The following MX1 variants were observed in gnomAD, a reference collection of about 807,000 sequenced individuals.
MX1 encodes MX dynamin like GTPase 1.
Under a neutral mutation model 66.4 loss-of-function variants are expected in MX1, and 66 were observed. The ratio of observed to expected loss-of-function variants is 0.99; its 90% CI spans 0.82 to 1.22. MX1 has a LOEUF of 1.22. Ranked by LOEUF, MX1 falls within the 50% of genes most tolerant of loss-of-function variation. The pLI is 0.00. For missense variants in MX1, 787 were observed against 834.3 expected, an observed-to-expected ratio of 0.94 and a Z score of 0.70; for synonymous variants, 311 against 318.1, an observed-to-expected ratio of 0.98 and a Z score of 0.24.
chr21:41,429,395 G>A (rs1023512712), intron 3 of MX1: 3 of 152,254 alleles, frequency 2.0e-5, no homozygotes, highest in Non-Finnish European at 4.4e-5. Flanking sequence ...AGCTGATTGA[G>A]TGGAACCTGT....
chr21:41,440,019 C>G (rs1374165362), intron 8 of MX1, among the ~76,000 whole-genome samples, 171 bp downstream of exon 8: 3 of 152,118 alleles, frequency 2.0e-5, no homozygotes, highest in African/African-American at 7.2e-5. Flanking sequence ...TGGTCACAGT[C>G]TGTTCTGTCA....
chr21:41,440,668 C>G (rs79494693), intron 8 of MX1, among the ~76,000 whole-genome samples: 1 of 152,110 alleles, frequency 6.6e-6, no homozygotes, highest in Admixed American at 6.5e-5. Flanking sequence ...TTTCCCTGAG[C>G]CTATAGCTCT....
chr21:41,451,242 A>C lies in MX1; in HGVS notation c.1508A>C (p.Lys503Thr). ...TTTTTTAACCTCCACAGAACCGCCA[A>C]GGTAAAACCAACCATGTGTTGTTTA... ...EEFFNLHRTA[K>T]SKIEDIRAEQ... Residue 503 changes from lysine to threonine, a missense_variant and splice_region_variant, in exon 15 of 17, where the codon AAG becomes ACG. By Grantham distance (78) the Lys-to-Thr change is moderately conservative. Coordinates refer to ENST00000398598, the MANE Select transcript of MX1 (RefSeq NM_002462.5). 1 of 1,596,702 alleles carries C rather than the reference A, an allele frequency of 6.3e-7. No individual in the cohort carries two copies. The highest frequency in any genetic ancestry group is 8.6e-7 in the Non-Finnish European group (1 of 1,166,138).
chr21:41,435,930 G>C lies in MX1; in HGVS notation c.199G>C (p.Asp67His). The part of the protein sequence containing the change: ...DSLRALGVEQ[D>H]LALPAIAVIG... ...CCTGCGGGCTCTAGGTGTGGAGCAG[G>C]ACCTGGCCCTGCCAGCCATCGCCGT... is the stretch of plus-strand genomic sequence containing the variant. The change falls in exon 6 of 17, where the codon GAC (aspartate) becomes CAC (histidine). Residue 67 changes from aspartate to histidine, a missense_variant. Physicochemically the swap from Asp to His is moderately conservative, Grantham distance 81 (BLOSUM62 -1). Transcript: ENST00000398598. 6.2e-7 allele frequency: 1 copy of C among 1,614,192 alleles called. No individual in the cohort carries two copies. The highest frequency in any genetic ancestry group is 8.5e-7 in the Non-Finnish European group (1 of 1,180,030).
intron 13 of MX1, among the ~76,000 whole-genome samples, chr21:41,448,092 T>C (rs2090715451): frequency 1.3e-5 from 2 of 152,134 alleles, no homozygotes; most frequent in Non-Finnish European, 2.9e-5. Flanking sequence ...ATTAGAAAAA[T>C]CCTTATGGGA....
At chr21:41,451,037 G>T in intron 14 of MX1, 130 bp from the exon 15 acceptor site, 1 of 598,188 alleles carries the variant, frequency 1.7e-6, no homozygotes, top group Non-Finnish European at 3.0e-6. Context: ...CTTTTTCATG[G>T]TAAAGAGAAG....
intron 3 of MX1, chr21:41,428,539 T>A (rs2838035): frequency 6.6e-6 from 1 of 152,180 alleles, no homozygotes; most frequent in Non-Finnish European, 1.5e-5. Context: ...AAGTCAGGAA[T>A]AAGCTTTCAG....
chr21:41,440,739 T>C, intron 8 of MX1, 148 bp from the exon 9 acceptor site: 1 of 892,268 alleles, frequency 1.1e-6, no homozygotes, highest in Non-Finnish European at 1.8e-6. Context: ...AGGGTTGTGT[T>C]TGTGGGTTCA....
At chr21:41,444,859 A>C (rs960520873) in intron 11 of MX1, among the ~76,000 whole-genome samples, 6 of 151,988 alleles carry the variant, frequency 3.9e-5, no homozygotes, top group African/African-American at 1.5e-4. Flanking sequence ...GGCCACTGTT[A>C]CTGGGGCTGG....
At chr21:41,428,263 C>T (rs461093) in intron 3 of MX1, 9 of 152,138 alleles carry the variant, frequency 5.9e-5, no homozygotes, top group Non-Finnish European at 8.8e-5. Context: ...CTAACTTTCA[C>T]TTTCCCAAAA....
Position 41,441,789 on chromosome 21 carries a change from G to T in MX1, c.804G>T (p.Val268=). The change falls in exon 10 of 17, where the codon GTG becomes GTT. Residue 268 remains valine, a synonymous_variant. Coordinates refer to ENST00000398598, the MANE Select transcript of MX1 (RefSeq NM_002462.5). The surrounding 1 kb of genome is among the most constrained non-coding windows in gnomAD (Gnocchi z 4.0). The stretch of plus-strand genomic sequence containing the variant: ...TTGTGGACGTGGTGCGGAACCTCGT[G>T]TTCCACCTGAAGAAGGGTTACATGA... ...DKVVDVVRNL[V]FHLKKGYMIV... 6.2e-7 allele frequency: 1 copy of T among 1,614,198 alleles called. No individual in the cohort carries two copies. Among genetic ancestry groups the T allele is most frequent in the South Asian group, 1.1e-5 (1 of 91,078 alleles).
rs532798943 is a variant in MX1, at chr21:41,443,465, AG to A, written c.930-318del. On this transcript the variant is annotated intron_variant, in intron 10 of 16. Coordinates refer to ENST00000398598, the MANE Select transcript of MX1 (RefSeq NM_002462.5). ...ATCACCTACACATATTACACATAGA[AG>A]GGGGTATGTGTTATAAAAACATATC... is the stretch of plus-strand genomic sequence containing the variant. The A allele has an allele frequency of 2.7e-3, 795 of 290,804 alleles. 4 individuals carry two copies. Among genetic ancestry groups the A allele is most frequent in the Non-Finnish European group, 4.4e-3 (666 of 151,430 alleles). The allele number at this position is 290,804 out of a possible 1,614,324, so 18.0% of individuals were successfully genotyped here.
chr21:41,424,539 A>C (rs1057243218), upstream of MX1, among the ~76,000 whole-genome samples: 5 of 152,134 alleles, frequency 3.3e-5, no homozygotes, highest in Admixed American at 2.0e-4. Context: ...CTTCCTAATC[A>C]TGGAAGTCTT....
chr21:41,441,466 G>A lies in MX1; in HGVS notation c.731-250G>A. 1.8e-6 allele frequency: 1 copy of A among 562,158 alleles called. No homozygotes were observed. Among genetic ancestry groups the A allele is most frequent in the Admixed American group, 3.1e-5 (1 of 32,782 alleles). The allele number at this position is 562,158 out of a possible 1,614,324, so 34.8% of individuals were successfully genotyped here. ...TAAACAAAACGTGGCGTGTTCTACA[G>A]TGGACCCGGGTGAAGGAGCTTGGGG... is the stretch of plus-strand genomic sequence containing the variant. On this transcript the variant is annotated intron_variant, in intron 9 of 16. Transcript: ENST00000398598. This position sits in a 1 kb window ranked among gnomAD's most constrained non-coding sequence, Gnocchi z 4.0.
At chr21:41,431,054 G>A (rs1202107312) in intron 4 of MX1, among the ~76,000 whole-genome samples, 2 of 152,128 alleles carry the variant, frequency 1.3e-5, no homozygotes, top group Non-Finnish European at 1.5e-5. Context: ...ACGGGGTCTC[G>A]CTCTGTCGCC....
In MX1 at chr21:41,441,773, T is replaced by C; in HGVS notation, c.788T>C (p.Val263Ala). The change falls in exon 10 of 17, where the codon GTG becomes GCG. Residue 263 changes from valine to alanine, a missense_variant. Transcript: ENST00000398598. This position sits in a 1 kb window ranked among gnomAD's most constrained non-coding sequence, Gnocchi z 4.0. ...DKGTEDKVVD[V>A]VRNLVFHLKK... is the part of the protein sequence containing the mutation. The stretch of plus-strand genomic sequence containing the variant: ...GGAACTGAAGACAAGGTTGTGGACG[T>C]GGTGCGGAACCTCGTGTTCCACCTG... The C allele has an allele frequency of 6.2e-7, 1 of 1,614,228 alleles. No individual in the cohort carries two copies. Among genetic ancestry groups the C allele is most frequent in the Non-Finnish European group, 8.5e-7 (1 of 1,180,038 alleles).
At chr21:41,437,237 G>C in intron 7 of MX1, 85 bp downstream of exon 7, 1 of 1,498,302 alleles carries the variant, frequency 6.7e-7, no homozygotes, top group East Asian at 2.3e-5. Flanking sequence ...CCACCTCCCT[G>C]GGCCTGTGCT....
intron 5 of MX1, among the ~76,000 whole-genome samples, chr21:41,432,399 G>A (rs190808402): frequency 1.1e-3 from 161 of 152,346 alleles, no homozygotes; most frequent in Non-Finnish European, 1.7e-3. Context: ...GGGGACACTG[G>A]CTGAGCTGTC....
intron 14 of MX1, chr21:41,450,803 T>A (rs1336961211): frequency 6.6e-6 from 1 of 152,106 alleles, no homozygotes; most frequent in Non-Finnish European, 1.5e-5. Flanking sequence ...TGTATTTTTT[T>A]CAAATGGATA....
Sources: gnomAD v4.1 joint callset for allele counts (sites outside exome capture counted in the v4.1 genomes callset) on GRCh38, gnomAD v4.1.1 for gene constraint, Gnocchi (gnomAD v3.1) non-coding constraint, MANE v1.5 for transcripts, NCBI Gene and HGNC (gene_info 2026-07-23, HGNC 2026-07-21) for gene names.